TENM4: variants seen among roughly 807,000 people sequenced by gnomAD.
TENM4 encodes the protein teneurin transmembrane protein 4, also known as teneurin-4.
In TENM4, 82 loss-of-function variants were observed where a neutral mutation model predicts 243.3. That is an observed-to-expected ratio of 0.34 (90% CI 0.28 to 0.40). The LOEUF is 0.40. TENM4 is among the 10% of genes least tolerant of loss of function. The pLI is 1.00. For synonymous variants in TENM4, 1,412 were observed against 1,456.3 expected, an observed-to-expected ratio of 0.97 and a Z score of 0.69; for missense variants, 3,138 against 3,673.3, an observed-to-expected ratio of 0.85 and a Z score of 3.77.
In TENM4 at chr11:78,701,680, G is replaced by A; in HGVS notation, c.4933C>T (p.Pro1645Ser). Residue 1645 changes from proline to serine, a missense_variant, in exon 28 of 34, where the codon CCA (proline) becomes TCA (serine). Transcript: ENST00000278550. The stretch of plus-strand genomic sequence containing the variant: ...GTCACCCAGTACACCTGGCCATCTG[G>A]GACCACCAGCCAGAGGGGCATCCCA... ...STGMPLWLVVPDGQVYWVTMG... is the reference protein window; with the variant it reads ...STGMPLWLVVSDGQVYWVTMG... The A allele has an allele frequency of 6.2e-7, 1 of 1,613,884 alleles. No homozygotes were observed. The highest frequency in any genetic ancestry group is 8.5e-7 in the Non-Finnish European group (1 of 1,179,850).
intron 12 of TENM4, among the ~76,000 whole-genome samples, chr11:78,839,924 C>T (rs17137232): frequency 0.022 from 3,354 of 152,240 alleles, 37 homozygotes; most frequent in Middle Eastern, 0.044. Flanking sequence ...CCAGATACAC[C>T]TGCTGGGGTC....
At chr11:79,280,596 C>T (rs550066695) in intron 2 of TENM4, among the ~76,000 whole-genome samples, 374 of 152,300 alleles carry the variant, frequency 2.5e-3, no homozygotes, top group African/African-American at 8.7e-3. Flanking sequence ...CGCCTGGCCC[C>T]GGGACACATA....
intron 6 of TENM4, among the ~76,000 whole-genome samples, chr11:78,996,998 C>A (rs957413186): frequency 1.1e-4 from 16 of 152,070 alleles, no homozygotes; most frequent in African/African-American, 3.9e-4. Context: ...CCAGAAAGCC[C>A]CAAGGGGGGA....
chr11:78,708,352 C>G lies in TENM4; in HGVS notation c.4209+9G>C, dbSNP rs547577008. The G allele has an allele frequency of 6.2e-7, 1 of 1,613,730 alleles. No individual in the cohort carries two copies. The highest frequency in any genetic ancestry group is 8.5e-7 in the Non-Finnish European group (1 of 1,179,722). On this transcript the variant is annotated intron_variant, in intron 27 of 33. Coordinates refer to ENST00000278550, the MANE Select transcript of TENM4 (RefSeq NM_001098816.3). ...AGTCCCAGGGCTTTGGTAGATGAAGCCATCTTACCTGGGAAATATCCATGA... is the reference window on the plus strand; with the variant it reads ...AGTCCCAGGGCTTTGGTAGATGAAGGCATCTTACCTGGGAAATATCCATGA...
chr11:79,142,415 T>A (rs1862303679), intron 4 of TENM4, among the ~76,000 whole-genome samples: 1 of 151,950 alleles, frequency 6.6e-6, no homozygotes, highest in South Asian at 2.1e-4. Flanking sequence ...TACCTAGGAA[T>A]AAAATTTACC....
chr11:78,740,510 G>T (rs1855903649), intron 19 of TENM4, among the ~76,000 whole-genome samples: 3 of 152,202 alleles, frequency 2.0e-5, no homozygotes, highest in African/African-American at 7.2e-5. Context: ...CTGCTCTGAA[G>T]GTCTTCCAAT....
At chr11:78,782,762 T>G (rs1287375218) in intron 16 of TENM4, among the ~76,000 whole-genome samples, 1 of 97,118 alleles carries the variant, frequency 1.0e-5, no homozygotes, top group East Asian at 2.0e-4. Flanking sequence ...TGAGACTCTG[T>G]CTTTTTTTTT....
rs112724894 is a variant in TENM4, at chr11:79,015,336, C to T, written c.493+49402G>A. Among the ~76,000 whole-genome samples, 27 of 152,322 alleles carry T rather than the reference C, an allele frequency of 1.8e-4. No individual in the cohort carries two copies. In the East Asian group the frequency reaches 2.3e-3, roughly 13 times the overall value. ...AACACCTTTGCTGCACTGAGTGACG[C>T]AGGAATTATTCTCCAATGATGCTCT... On this transcript the variant is annotated intron_variant, in intron 6 of 33. Coordinates refer to ENST00000278550, the MANE Select transcript of TENM4 (RefSeq NM_001098816.3).
chr11:78,727,276 G>A (rs961700681), intron 22 of TENM4, among the ~76,000 whole-genome samples: 3 of 151,978 alleles, frequency 2.0e-5, no homozygotes, highest in Non-Finnish European at 2.9e-5. Flanking sequence ...GTGAAACCTC[G>A]TCTCTACTAA....
At chr11:79,057,588 A>G (rs1591247784) in intron 6 of TENM4, among the ~76,000 whole-genome samples, 1 of 152,024 alleles carries the variant, frequency 6.6e-6, no homozygotes, top group East Asian at 1.9e-4. Flanking sequence ...GAAACATCCT[A>G]TGTTATTTAT....
intron 29 of TENM4, among the ~76,000 whole-genome samples, chr11:78,684,373 T>A (rs1342645926): frequency 1.3e-5 from 2 of 152,226 alleles, no homozygotes; most frequent in South Asian, 2.1e-4. Context: ...TTGAGTGAGA[T>A]CATGAATATG....
chr11:79,162,165 T>C (rs12785545), intron 3 of TENM4, among the ~76,000 whole-genome samples: 3,667 of 152,334 alleles, frequency 0.024, 74 homozygotes, highest in Non-Finnish European at 0.037. Context: ...AGCTGCCCTG[T>C]GGGCTTTCCA....
At chr11:79,225,926 ATGTAC>A (rs1864255564) in intron 2 of TENM4, among the ~76,000 whole-genome samples, 1 of 152,206 alleles carries the variant, frequency 6.6e-6, no homozygotes, top group South Asian at 2.1e-4. Context: ...GAATGGATCC[ATGTAC>A]TGGTGAATGG....
At chr11:79,248,506 C>A (rs749036211) in intron 2 of TENM4, among the ~76,000 whole-genome samples, 28 of 152,296 alleles carry the variant, frequency 1.8e-4, no homozygotes, top group Admixed American at 3.9e-4. Context: ...TTGGGCATCT[C>A]AACTGTGTCG....
chr11:78,872,055 C>T (rs563298199), intron 9 of TENM4, among the ~76,000 whole-genome samples: 36 of 152,252 alleles, frequency 2.4e-4, no homozygotes, highest in African/African-American at 7.9e-4. Context: ...ATAAGTAGTA[C>T]ATATTACTAC....
chr11:78,931,068 G>A (rs1265928911), intron 6 of TENM4, among the ~76,000 whole-genome samples: 4 of 152,268 alleles, frequency 2.6e-5, no homozygotes, highest in East Asian at 1.9e-4. Flanking sequence ...GTTGATGGCC[G>A]CCAGCAACTC....
intron 6 of TENM4, among the ~76,000 whole-genome samples, chr11:78,915,191 TGCGTG>T: frequency 6.6e-6 from 1 of 152,342 alleles, no homozygotes; most frequent in East Asian, 1.9e-4. Context: ...TATTGTTTTC[TGCGTG>T]GGAGGCTTTT....
chr11:79,125,590 C>A (rs1861858153), intron 4 of TENM4, among the ~76,000 whole-genome samples: 1 of 152,144 alleles, frequency 6.6e-6, no homozygotes, highest in African/African-American at 2.4e-5. Flanking sequence ...CCTGATGAAG[C>A]TGGGGATTCT....
At chr11:78,915,789 A>T (rs1299103646) in intron 6 of TENM4, among the ~76,000 whole-genome samples, 1 of 152,126 alleles carries the variant, frequency 6.6e-6, no homozygotes, top group Admixed American at 6.5e-5. Flanking sequence ...GCAGGAGGCT[A>T]AATACCAGCA....
Sources: gnomAD v4.1 joint callset for allele counts (sites outside exome capture counted in the v4.1 genomes callset) on GRCh38, gnomAD v4.1.1 for gene constraint, MANE v1.5 for transcripts, NCBI Gene and HGNC (gene_info 2026-07-23, HGNC 2026-07-21) for gene names.